PRIM2: variants seen among roughly 807,000 people sequenced by gnomAD.
The protein encoded by PRIM2 is DNA primase subunit 2.
A neutral mutation model predicts 67.3 loss-of-function variants in PRIM2; 39 were observed. The observed-to-expected ratio is 0.58, with a 90% CI of 0.45 to 0.76. The LOEUF (loss-of-function observed/expected upper bound fraction) is 0.76. Ranked by LOEUF, PRIM2 falls within the 30% of genes least tolerant of loss-of-function variation. The pLI is 0.00. For missense variants in PRIM2, 398 were observed against 598.7 expected (o/e 0.66, Z 3.50); for synonymous variants, 143 against 198.7 (o/e 0.72, Z 2.36).
intron 12 of PRIM2, among the ~76,000 whole-genome samples, chr6:57,626,327 AAAG>A (rs1243817168): frequency 1.3e-5 from 2 of 152,270 alleles, no homozygotes; most frequent in Non-Finnish European, 2.9e-5. Context: ...GTGTGTATAA[AAAG>A]AAGAGAGTTC....
At chr6:57,591,667 T>C (rs1407089985) in intron 10 of PRIM2, among the ~76,000 whole-genome samples, 2 of 152,072 alleles carry the variant, frequency 1.3e-5, no homozygotes, top group African/African-American at 4.8e-5. Context: ...AAGCAAAAAA[T>C]TAATGGGTGA....
chr6:57,463,232 C>T (rs1773066411), intron 7 of PRIM2, among the ~76,000 whole-genome samples: 1 of 152,314 alleles, frequency 6.6e-6, no homozygotes, highest in African/African-American at 2.4e-5. Context: ...TGGCTCATGC[C>T]TATAATCCTA....
intron 10 of PRIM2, among the ~76,000 whole-genome samples, chr6:57,571,192 T>A (rs1775856820): frequency 6.6e-6 from 1 of 152,232 alleles, no homozygotes; most frequent in Non-Finnish European, 1.5e-5. Flanking sequence ...ACTTACAATT[T>A]TATTGCATTA....
At chr6:57,324,010 A>C (rs1767752019) in intron 3 of PRIM2, among the ~76,000 whole-genome samples, 191 bp from the exon 4 acceptor site, 1 of 151,930 alleles carries the variant, frequency 6.6e-6, no homozygotes. Flanking sequence ...ACTTGAGCCC[A>C]GGAGTTTGAA....
At chr6:57,634,416 T>C (rs1330555499) in intron 13 of PRIM2, among the ~76,000 whole-genome samples, 2 of 152,320 alleles carry the variant, frequency 1.3e-5, no homozygotes, top group East Asian at 3.9e-4. Flanking sequence ...ATCAAGAAAA[T>C]AGCAACAACA....
chr6:57,236,525 C>T, the PRIM2 span, among the ~76,000 whole-genome samples: 1 of 152,146 alleles, frequency 6.6e-6, no homozygotes, highest in African/African-American at 2.4e-5. Flanking sequence ...ATTAACTCGT[C>T]ATTTACATTA....
At chr6:57,586,040 T>C (rs1776181324) in intron 10 of PRIM2, among the ~76,000 whole-genome samples, 1 of 152,226 alleles carries the variant, frequency 6.6e-6, no homozygotes, top group Non-Finnish European at 1.5e-5. Context: ...ATGTTCTGGA[T>C]ACCTCTTTTG....
chr6:57,420,962 A>G (rs1771441684), intron 7 of PRIM2, among the ~76,000 whole-genome samples: 1 of 152,200 alleles, frequency 6.6e-6, no homozygotes, highest in African/African-American at 2.4e-5. Flanking sequence ...TTGAAATTGG[A>G]TTAGAGTACT....
upstream of PRIM2, among the ~76,000 whole-genome samples, chr6:57,310,631 C>A (rs554872320): frequency 6.6e-6 from 1 of 151,520 alleles, no homozygotes; most frequent in Non-Finnish European, 1.5e-5. Context: ...ACATCCCAGA[C>A]GGGGTGGCGG....
chr6:57,233,438 A>G, the PRIM2 span, among the ~76,000 whole-genome samples: 1 of 152,316 alleles, frequency 6.6e-6, no homozygotes, highest in South Asian at 2.1e-4. Context: ...TAGCTTTTAT[A>G]ATTCTAAAAG....
the PRIM2 span, among the ~76,000 whole-genome samples, chr6:57,255,891 G>T: frequency 1.3e-5 from 2 of 152,308 alleles, no homozygotes; most frequent in Admixed American, 1.3e-4. Context: ...TTTCAAAAGA[G>T]AATTAATGAA....
chr6:57,348,300 G>A (rs1165277640), intron 5 of PRIM2, among the ~76,000 whole-genome samples: 4 of 152,072 alleles, frequency 2.6e-5, no homozygotes, highest in African/African-American at 7.2e-5. Flanking sequence ...ATTAACTCAT[G>A]TATAATATTC....
chr6:57,364,561 G>A (rs896255746), intron 5 of PRIM2, among the ~76,000 whole-genome samples: 2 of 152,118 alleles, frequency 1.3e-5, no homozygotes, highest in African/African-American at 4.8e-5. Context: ...TGACAAGTCA[G>A]CTTGCCCTTC....
chr6:57,450,080 A>G (rs1173255505), intron 7 of PRIM2, among the ~76,000 whole-genome samples: 1 of 152,224 alleles, frequency 6.6e-6, no homozygotes. Context: ...CTTTAAAAAA[A>G]CCAACTAAAT....
chr6:57,328,668 C>T (rs566296586), intron 5 of PRIM2, among the ~76,000 whole-genome samples: 2 of 152,248 alleles, frequency 1.3e-5, no homozygotes, highest in African/African-American at 2.4e-5. Context: ...TCCTTTCTCT[C>T]AGGTGTATAC....
chr6:57,237,489 C>T, the PRIM2 span, among the ~76,000 whole-genome samples: 1 of 152,158 alleles, frequency 6.6e-6, no homozygotes, highest in Non-Finnish European at 1.5e-5. Context: ...AAGTCCTTGA[C>T]CATGCCTATG....
At chr6:57,612,310 G>A (rs1776682069) in intron 12 of PRIM2, among the ~76,000 whole-genome samples, 1 of 152,162 alleles carries the variant, frequency 6.6e-6, no homozygotes. Flanking sequence ...AGGCATTATT[G>A]ATAATTGCCA....
chr6:57,306,545 G>A, the PRIM2 span, among the ~76,000 whole-genome samples: 1 of 152,204 alleles, frequency 6.6e-6, no homozygotes, highest in Non-Finnish European at 1.5e-5. Context: ...AAGAGGAACT[G>A]TATTGTCAGG....
chr6:57,625,005 G>A (rs1207873390), intron 12 of PRIM2, among the ~76,000 whole-genome samples: 11 of 152,144 alleles, frequency 7.2e-5, no homozygotes, highest in African/African-American at 2.7e-4. Context: ...ATCAGATCTC[G>A]TGAGACTTAC....
Sources: gnomAD v4.1 joint callset for allele counts (sites outside exome capture counted in the v4.1 genomes callset) on GRCh38, gnomAD v4.1.1 for gene constraint, MANE v1.5 for transcripts, NCBI Gene and HGNC (gene_info 2026-07-23, HGNC 2026-07-21) for gene names.